CPSF2: variants seen among roughly 807,000 people sequenced by gnomAD.
The protein encoded by CPSF2 is cleavage and polyadenylation specificity factor subunit 2.
In CPSF2, 51 loss-of-function variants were observed where a neutral mutation model predicts 84.2. The ratio of observed to expected loss-of-function variants is 0.61; its 90% confidence interval spans 0.48 to 0.77. CPSF2 has a LOEUF of 0.77. CPSF2 is among the 30% of genes least tolerant of loss of function. The pLI, the probability that CPSF2 is intolerant of heterozygous loss-of-function variation, is 0.00. For synonymous variants in CPSF2, 286 were observed against 311.9 expected, an observed-to-expected ratio of 0.92 and a Z score of 0.87; for missense variants, 641 against 929.4, an observed-to-expected ratio of 0.69 and a Z score of 4.03.
Position 92,159,041 on chromosome 14 carries a change from A to G in CPSF2, c.1880A>G (p.Glu627Gly), listed in dbSNP as rs2069329947. 1.9e-6 allele frequency: 3 copies of G among 1,614,088 alleles called. No individual in the cohort carries two copies. The East Asian group carries it at 6.7e-5, about 36-fold the overall frequency. ...SLQFCKAKDA[E>G]LAWIDGVLDM... ...CAGTTTTGTAAGGCAAAAGATGCTG[A>G]ATTAGCTTGGATAGATGGTGTCTTA... The change falls in exon 14 of 16, where the codon GAA becomes GGA. Residue 627 changes from glutamate (E) to glycine (G), a missense_variant. Physicochemically the swap from Glu to Gly is moderately conservative, Grantham distance 98 (BLOSUM62 -2). This residue lies in a region of CPSF2 where 430 missense variants were observed against 553.6 expected (regional missense o/e 0.78). Coordinates refer to ENST00000298875, the MANE Select transcript of CPSF2 (RefSeq NM_017437.3).
At chr14:92,149,226 C>G (rs753939362) in intron 9 of CPSF2, among the ~76,000 whole-genome samples, 1 of 152,040 alleles carries the variant, frequency 6.6e-6, no homozygotes, top group Non-Finnish European at 1.5e-5. Flanking sequence ...CCACTAGTAG[C>G]CACTGCATTT....
At chr14:92,145,350 C>T (rs2069130370) in intron 9 of CPSF2, among the ~76,000 whole-genome samples, 1 of 149,792 alleles carries the variant, frequency 6.7e-6, no homozygotes, top group Non-Finnish European at 1.5e-5. Flanking sequence ...CCCTACACCA[C>T]CCCCTAACCC....
chr14:92,128,256 G>A (rs1319859711), intron 2 of CPSF2, among the ~76,000 whole-genome samples: 1 of 151,622 alleles, frequency 6.6e-6, no homozygotes, highest in Non-Finnish European at 1.5e-5. Flanking sequence ...GAAAAAAAAT[G>A]GGCCAGGTGG....
chr14:92,125,232 T>G (rs1030940120), intron 1 of CPSF2, among the ~76,000 whole-genome samples: 1 of 152,170 alleles, frequency 6.6e-6, no homozygotes. Context: ...ATTAGGGTAC[T>G]GGCAGTGGGA....
At chr14:92,153,694 C>T (rs973562284) in intron 9 of CPSF2, among the ~76,000 whole-genome samples, 1 of 145,338 alleles carries the variant, frequency 6.9e-6, no homozygotes, top group Non-Finnish European at 1.5e-5. Flanking sequence ...TGCATGCTAC[C>T]ACTACTGGCT....
chr14:92,128,368 A>G (rs755375054), intron 2 of CPSF2, among the ~76,000 whole-genome samples: 2 of 152,216 alleles, frequency 1.3e-5, no homozygotes, highest in African/African-American at 2.4e-5. Flanking sequence ...CTGTAGTCCC[A>G]GCTACTCAGG....
chr14:92,134,031 C>G lies in CPSF2; in HGVS notation c.170C>G (p.Ala57Gly). The change falls in exon 4 of 16, where the codon GCA (alanine) becomes GGA (glycine). Residue 57 changes from alanine to glycine, a missense_variant. Ala to Gly is a moderately conservative substitution (Grantham distance 60). This residue lies in a region of CPSF2 where 211 missense variants were observed against 375.7 expected (regional missense o/e 0.56). Transcript: ENST00000298875. Reference sequence around the variant, plus strand: ...TGTAGGCATGTTCACCAGATTGATGCAGTGCTGTTGTCTCACCCTGATCCT... The same window carrying G: ...TGTAGGCATGTTCACCAGATTGATGGAGTGCTGTTGTCTCACCCTGATCCT... ...SLRKHVHQID[A>G]VLLSHPDPLH... 6.2e-7 allele frequency: 1 copy of G among 1,614,172 alleles called. No homozygotes were observed. Among genetic ancestry groups the G allele is most frequent in the Non-Finnish European group, 8.5e-7 (1 of 1,180,034 alleles).
chr14:92,165,054 T>G lies in CPSF2; in HGVS notation c.*3310T>G, dbSNP rs1324128920. The G allele has an allele frequency of 6.6e-6, 1 of 152,226 alleles. No individual in the cohort carries two copies. Among genetic ancestry groups the G allele is most frequent in the East Asian group, 1.9e-4 (1 of 5,200 alleles). 9.4% of individuals were successfully genotyped at this position (152,226 alleles called of 1,614,324 possible). A position where few individuals can be genotyped will look rare whatever the true frequency, so the allele number is the denominator to read the frequency against. ...ATATGAACTTTTATGTTTGACTTCT[T>G]TCACTTAGCATAATGTTTTCAGAGT... On this transcript the variant is annotated 3_prime_UTR_variant, in exon 16 of 16. Coordinates refer to ENST00000298875, the MANE Select transcript of CPSF2 (RefSeq NM_017437.3).
At chr14:92,130,919 A>G in intron 2 of CPSF2, 32 bp from the exon 3 acceptor site, 4 of 1,361,804 alleles carry the variant, frequency 2.9e-6, no homozygotes, top group African/African-American at 1.5e-5. Flanking sequence ...CTGTGCTTTT[A>G]TGTTTAATTA....
chr14:92,126,577 A>G (rs1054245601), intron 2 of CPSF2, among the ~76,000 whole-genome samples: 7 of 152,198 alleles, frequency 4.6e-5, no homozygotes, highest in Non-Finnish European at 8.8e-5. Context: ...TGGGGAGGCC[A>G]AGGTGGGTGG....
Position 92,157,613 on chromosome 14 carries a change from T to C in CPSF2, c.1596-46T>C. ...ATACATGATAAAAGCCATTTTTTTT[T>C]AGAATTATGAGAAAAGTAATCTTGA... is the stretch of plus-strand genomic sequence containing the variant. On this transcript the variant is annotated intron_variant, in intron 12 of 15. Coordinates refer to ENST00000298875, the MANE Select transcript of CPSF2 (RefSeq NM_017437.3). This position sits in a 1 kb window ranked among gnomAD's most constrained non-coding sequence, Gnocchi z 4.0. The C allele has an allele frequency of 7.0e-7, 1 of 1,429,376 alleles. No individual in the cohort carries two copies. The highest frequency in any genetic ancestry group is 9.7e-7 in the Non-Finnish European group (1 of 1,033,448). The allele number at this position is 1,429,376 out of a possible 1,614,324, so 88.5% of individuals were successfully genotyped here.
At chr14:92,160,664 T>TGG (rs1463336202) in intron 14 of CPSF2, among the ~76,000 whole-genome samples, 9 of 152,336 alleles carry the variant, frequency 5.9e-5, no homozygotes, top group Admixed American at 2.6e-4. Context: ...GTAGAACCTA[T>TGG]GGCATCCATT....
chr14:92,128,755 A>G (rs1190549897), intron 2 of CPSF2, among the ~76,000 whole-genome samples: 1 of 152,216 alleles, frequency 6.6e-6, no homozygotes, highest in Non-Finnish European at 1.5e-5. Flanking sequence ...TGCAATGGGA[A>G]TACTAGAGTA....
At chr14:92,131,622 T>G (rs2068931967) in intron 3 of CPSF2, among the ~76,000 whole-genome samples, 1 of 152,142 alleles carries the variant, frequency 6.6e-6, no homozygotes, top group Non-Finnish European at 1.5e-5. Flanking sequence ...GCAGATCACT[T>G]GAGTTCAGGA....
intron 7 of CPSF2, among the ~76,000 whole-genome samples, chr14:92,139,051 C>G (rs995079004): frequency 6.6e-6 from 1 of 152,160 alleles, no homozygotes; most frequent in Non-Finnish European, 1.5e-5. Context: ...ACATAGCTAG[C>G]TATCCCTGGC....
At chr14:92,149,664 TG>T (rs2069186505) in intron 9 of CPSF2, among the ~76,000 whole-genome samples, 1 of 151,652 alleles carries the variant, frequency 6.6e-6, no homozygotes, top group Admixed American at 6.6e-5. Flanking sequence ...AAAGTTTTTT[TG>T]TTTTTTTTTG....
intron 9 of CPSF2, among the ~76,000 whole-genome samples, chr14:92,147,637 A>G (rs1267450862): frequency 6.6e-6 from 1 of 152,148 alleles, no homozygotes; most frequent in Non-Finnish European, 1.5e-5. Flanking sequence ...AAAACCCACT[A>G]TTTTCTGAAT....
At chr14:92,160,511 T>C (rs1251081688) in intron 14 of CPSF2, among the ~76,000 whole-genome samples, 1 of 152,234 alleles carries the variant, frequency 6.6e-6, no homozygotes, top group Non-Finnish European at 1.5e-5. Context: ...GCCTCTGTTG[T>C]TGGATTCCCT....
chr14:92,151,364 C>T (rs899835310), intron 9 of CPSF2, among the ~76,000 whole-genome samples: 1 of 150,942 alleles, frequency 6.6e-6, no homozygotes, highest in Non-Finnish European at 1.5e-5. Flanking sequence ...CTGCACTCAT[C>T]GTAGGCAACA....
Sources: allele counts gnomAD v4.1 joint callset (sites outside exome capture counted in the v4.1 genomes callset), GRCh38; gene constraint gnomAD v4.1.1; regional missense constraint gnomAD v4.1.1; non-coding constraint Gnocchi (gnomAD v3.1); transcripts MANE v1.5; gene names NCBI Gene and HGNC (gene_info 2026-07-23, HGNC 2026-07-21).